The following FSD1L variants were observed in gnomAD, a reference collection of about 807,000 sequenced individuals.
FSD1L encodes the protein FSD1-like protein.
In FSD1L, 45 loss-of-function variants were observed where a neutral mutation model predicts 71.6. That is an observed-to-expected ratio of 0.63 (90% CI 0.49 to 0.81). The LOEUF (loss-of-function observed/expected upper bound fraction) is 0.81. Among genes scored for constraint, FSD1L ranks in the 30% least tolerant of loss-of-function variants. The pLI, the probability that FSD1L is intolerant of heterozygous loss-of-function variation, is 0.00. For synonymous variants in FSD1L, 197 were observed against 207.2 expected (o/e 0.95, Z 0.42); for missense variants, 561 against 618.1 (o/e 0.91, Z 0.98).
chr9:105,494,996 C>G (rs1288210003), intron 7 of FSD1L, among the ~76,000 whole-genome samples: 1 of 152,164 alleles, frequency 6.6e-6, no homozygotes, highest in Non-Finnish European at 1.5e-5. Flanking sequence ...TCTCAGATCT[C>G]CAGCTGCATG....
At chr9:105,536,725 T>A (rs971604620) in intron 12 of FSD1L, among the ~76,000 whole-genome samples, 2 of 152,118 alleles carry the variant, frequency 1.3e-5, no homozygotes, top group African/African-American at 2.4e-5. Context: ...AACCTCTGCC[T>A]CCCATGTTCA....
At chr9:105,532,327 T>C (rs539376334) in intron 10 of FSD1L, among the ~76,000 whole-genome samples, 1 of 152,316 alleles carries the variant, frequency 6.6e-6, no homozygotes, top group East Asian at 1.9e-4. Context: ...AAAATTATGA[T>C]ACAGTTCTTT....
chr9:105,451,128 T>G (rs1204436349), intron 1 of FSD1L, among the ~76,000 whole-genome samples: 1 of 151,856 alleles, frequency 6.6e-6, no homozygotes, highest in Non-Finnish European at 1.5e-5. Flanking sequence ...CCTGGCTAAT[T>G]TTTTGTATTT....
At chr9:105,499,161 A>G (rs768640964) in intron 7 of FSD1L, among the ~76,000 whole-genome samples, 18 of 152,190 alleles carry the variant, frequency 1.2e-4, no homozygotes, top group African/African-American at 4.3e-4. Flanking sequence ...CAGTTGATTG[A>G]TGGAGTTGTT....
intron 7 of FSD1L, among the ~76,000 whole-genome samples, chr9:105,497,837 CTTGTTTTTTGTTT>C (rs1466815993): frequency 6.6e-6 from 1 of 151,568 alleles, no homozygotes; most frequent in Non-Finnish European, 1.5e-5. Flanking sequence ...GATTTCTGTT[CTTGTTTTTTGTTT>C]GTTTGTTTTT....
chr9:105,491,446 A>G (rs1385593046), intron 7 of FSD1L, among the ~76,000 whole-genome samples: 1 of 152,158 alleles, frequency 6.6e-6, no homozygotes, highest in Non-Finnish European at 1.5e-5. Context: ...GTCTGCAAAC[A>G]GGGACAATTT....
At chr9:105,490,233 A>T (rs999834451) in intron 7 of FSD1L, among the ~76,000 whole-genome samples, 10 of 152,058 alleles carry the variant, frequency 6.6e-5, no homozygotes, top group African/African-American at 2.2e-4. Context: ...TGTGGTTTTG[A>T]TTTACATTTC....
intron 7 of FSD1L, among the ~76,000 whole-genome samples, chr9:105,490,993 T>C (rs1394104720): frequency 2.0e-5 from 3 of 151,218 alleles, no homozygotes; most frequent in East Asian, 1.9e-4. Context: ...ATGTGGGCTC[T>C]TTTTTGGTTC....
At chr9:105,481,580 T>G (rs1038896506) in intron 6 of FSD1L, among the ~76,000 whole-genome samples, 1 of 151,954 alleles carries the variant, frequency 6.6e-6, no homozygotes, top group Non-Finnish European at 1.5e-5. Context: ...TGTGAGCCAC[T>G]GTGCCCGGCC....
intron 10 of FSD1L, chr9:105,525,258 T>C (rs1042637603): frequency 6.2e-7 from 1 of 1,606,704 alleles, no homozygotes; most frequent in Non-Finnish European, 8.5e-7. Flanking sequence ...CTGTACCAAC[T>C]TGGGATACAA....
At chr9:105,490,261 G>T (rs548041197) in intron 7 of FSD1L, among the ~76,000 whole-genome samples, 4 of 152,092 alleles carry the variant, frequency 2.6e-5, no homozygotes, top group Admixed American at 6.5e-5. Flanking sequence ...GCCAGTGATG[G>T]TGAGCATTTT....
At chr9:105,543,603 GC>G (rs1836773316) in intron 13 of FSD1L, among the ~76,000 whole-genome samples, 1 of 151,860 alleles carries the variant, frequency 6.6e-6, no homozygotes, top group Non-Finnish European at 1.5e-5. Flanking sequence ...CCCACAACAG[GC>G]CCCGGTGTGT....
chr9:105,495,048 G>A (rs1377156744), intron 7 of FSD1L, among the ~76,000 whole-genome samples: 3 of 152,154 alleles, frequency 2.0e-5, no homozygotes, highest in Non-Finnish European at 4.4e-5. Flanking sequence ...CAGGGACATT[G>A]AAGTCTGCAG....
chr9:105,444,240 C>T (rs1231529297), upstream of FSD1L, among the ~76,000 whole-genome samples: 1 of 152,170 alleles, frequency 6.6e-6, no homozygotes, highest in Non-Finnish European at 1.5e-5. Flanking sequence ...TTAAATAATA[C>T]TAGCCAGCAT....
At chr9:105,462,518 A>G (rs112732014) in intron 2 of FSD1L, among the ~76,000 whole-genome samples, 3,398 of 118,344 alleles carry the variant, frequency 0.029, 161 homozygotes, top group African/African-American at 0.1. Context: ...ACTGTGACTG[A>G]CATTTTTTTT....
intron 7 of FSD1L, among the ~76,000 whole-genome samples, chr9:105,490,390 A>G (rs1832845626): frequency 6.6e-6 from 1 of 152,146 alleles, no homozygotes; most frequent in Non-Finnish European, 1.5e-5. Flanking sequence ...AGTTCATTGT[A>G]GATTCTGGAT....
intron 7 of FSD1L, among the ~76,000 whole-genome samples, chr9:105,485,964 A>G (rs980103123): frequency 2.6e-5 from 4 of 152,076 alleles, no homozygotes; most frequent in Admixed American, 2.6e-4. Flanking sequence ...GTTTTTGAAT[A>G]GAGAATGTTG....
intron 8 of FSD1L, 93 bp from the exon 9 acceptor site, chr9:105,508,524 C>CA: frequency 8.4e-6 from 6 of 715,166 alleles, no homozygotes; most frequent in African/African-American, 1.8e-5. Context: ...AATACAGAGA[C>CA]ACGGTTCTTA....
chr9:105,520,210 T>G, intron 10 of FSD1L: 1 of 1,611,306 alleles, frequency 6.2e-7, no homozygotes, highest in Admixed American at 1.7e-5. Flanking sequence ...CTGACTCGCC[T>G]CAAGCACCTG....
Sources: allele counts gnomAD v4.1 joint callset (sites outside exome capture counted in the v4.1 genomes callset), GRCh38; gene constraint gnomAD v4.1.1; transcripts MANE v1.5; gene names NCBI Gene and HGNC (gene_info 2026-07-23, HGNC 2026-07-21).